Variants in CNTNAP2 observed in about 807,000 individuals in gnomAD.
CNTNAP2 encodes contactin associated protein 2.
A neutral mutation model predicts 155.2 loss-of-function variants in CNTNAP2; 98 were observed. The observed-to-expected ratio is 0.63, with a 90% CI of 0.54 to 0.75. CNTNAP2 has a LOEUF of 0.75. CNTNAP2 is among the 30% of genes least tolerant of loss of function. CNTNAP2 has a pLI of 0.00. For missense variants in CNTNAP2, 1,727 were observed against 1,688.1 expected (o/e 1.02, Z -0.40); for synonymous variants, 651 against 631.2 (o/e 1.03, Z -0.47).
chr7:146,317,377 T>C (rs1254500969), intron 1 of CNTNAP2, among the ~76,000 whole-genome samples: 2 of 152,234 alleles, frequency 1.3e-5, no homozygotes, highest in Non-Finnish European at 2.9e-5. Context: ...TTGACAATAA[T>C]GTCAAGTGGA....
intron 16 of CNTNAP2, among the ~76,000 whole-genome samples, chr7:148,121,560 C>G (rs528650687): frequency 1.3e-5 from 2 of 152,306 alleles, no homozygotes; most frequent in South Asian, 4.1e-4. Context: ...GCCTTCTGAT[C>G]TCTTTCTGAT....
At chr7:146,251,193 A>C (rs1026794048) in intron 1 of CNTNAP2, among the ~76,000 whole-genome samples, 20 of 152,240 alleles carry the variant, frequency 1.3e-4, no homozygotes, top group Admixed American at 5.2e-4. Flanking sequence ...AACTTTAAAA[A>C]ATATTGCAAT....
chr7:146,886,998 C>G (rs1342585721), intron 3 of CNTNAP2, among the ~76,000 whole-genome samples: 3 of 151,714 alleles, frequency 2.0e-5, no homozygotes, highest in Non-Finnish European at 2.9e-5. Flanking sequence ...ATGTAAAAAC[C>G]CTTAACTCCT....
chr7:146,256,530 C>T (rs909398168), intron 1 of CNTNAP2, among the ~76,000 whole-genome samples: 7 of 151,128 alleles, frequency 4.6e-5, no homozygotes, highest in Admixed American at 6.6e-5. Flanking sequence ...AAAAATATAA[C>T]GAATATTAAT....
At chr7:146,499,108 A>G (rs1797262870) in intron 1 of CNTNAP2, among the ~76,000 whole-genome samples, 1 of 152,212 alleles carries the variant, frequency 6.6e-6, no homozygotes, top group South Asian at 2.1e-4. Context: ...GTCTATTGAC[A>G]TGAATTATGT....
intron 10 of CNTNAP2, among the ~76,000 whole-genome samples, chr7:147,472,204 C>CTT (rs542047274): frequency 3.2e-4 from 26 of 81,072 alleles, no homozygotes; most frequent in South Asian, 9.9e-4. Context: ...TCTTTTTTTC[C>CTT]TTTTTTTTTT....
At chr7:147,303,138 C>CAAGGCTGGGTAA (rs1161959163) in intron 9 of CNTNAP2, among the ~76,000 whole-genome samples, 1 of 152,200 alleles carries the variant, frequency 6.6e-6, no homozygotes, top group Non-Finnish European at 1.5e-5. Context: ...AATCTTTTAC[C>CAAGGCTGGGTAA]ATCTTCACAC....
At chr7:147,312,509 G>T (rs2116798780) in intron 9 of CNTNAP2, among the ~76,000 whole-genome samples, 1 of 125,908 alleles carries the variant, frequency 7.9e-6, no homozygotes, top group African/African-American at 3.4e-5. Context: ...AGAACGTGTG[G>T]TGTTCAGTTT....
intron 16 of CNTNAP2, among the ~76,000 whole-genome samples, chr7:148,123,668 G>T (rs546210396): frequency 6.8e-6 from 1 of 146,380 alleles, no homozygotes; most frequent in African/African-American, 2.7e-5. Flanking sequence ...AGGAAGGAAG[G>T]AAGGAAGGAA....
intron 21 of CNTNAP2, among the ~76,000 whole-genome samples, chr7:148,371,408 A>G (rs1483269722): frequency 6.6e-6 from 1 of 152,094 alleles, no homozygotes; most frequent in African/African-American, 2.4e-5. Context: ...TAGGGAAATC[A>G]TTTCAGCCTC....
At chr7:146,848,959 G>A (rs1794816974) in intron 3 of CNTNAP2, among the ~76,000 whole-genome samples, 4 of 151,984 alleles carry the variant, frequency 2.6e-5, no homozygotes, top group Admixed American at 2.6e-4. Flanking sequence ...TTTTAGTAGA[G>A]ACGTAGAGAC....
At chr7:147,414,957 A>AAAG (rs1797167558) in intron 10 of CNTNAP2, among the ~76,000 whole-genome samples, 1 of 150,696 alleles carries the variant, frequency 6.6e-6, no homozygotes, top group African/African-American at 2.4e-5. Flanking sequence ...AAAAAAAAAA[A>AAAG]AAAAAAGAAA....
chr7:147,092,237 C>A (rs1349803900), intron 4 of CNTNAP2, among the ~76,000 whole-genome samples: 1 of 152,146 alleles, frequency 6.6e-6, no homozygotes, highest in African/African-American at 2.4e-5. Flanking sequence ...CCAATGACCC[C>A]CTCAAAAATG....
rs201683391 is a variant in CNTNAP2, at chr7:147,995,529, G to GT, written c.2383+17542dup. On this transcript the variant is annotated intron_variant, in intron 15 of 23. Transcript: ENST00000361727. ...TTGTCCTGCCTCTTCTAATTCTTTT[G>GT]TTGTTTTTTTTTTTTTGAGATGGAA... Among the ~76,000 whole-genome samples, 807 of 114,078 alleles carry GT rather than the reference G, an allele frequency of 7.1e-3. 18 individuals are homozygous for GT. Among genetic ancestry groups the GT allele is most frequent in the African/African-American group, 0.026 (681 of 26,674 alleles). The allele number at this position is 114,078 out of a possible 152,430, so 74.8% of individuals were successfully genotyped here.
chr7:146,507,902 G>C (rs926069504), intron 1 of CNTNAP2, among the ~76,000 whole-genome samples: 2 of 152,146 alleles, frequency 1.3e-5, no homozygotes, highest in African/African-American at 4.8e-5. Flanking sequence ...AAGACAAACT[G>C]TTCCTGGCTC....
intron 13 of CNTNAP2, among the ~76,000 whole-genome samples, chr7:147,655,976 A>T (rs1795519814): frequency 1.3e-5 from 2 of 152,250 alleles, no homozygotes; most frequent in South Asian, 4.1e-4. Flanking sequence ...ACTTCTAGGT[A>T]ACTTGCTGTA....
At chr7:146,924,418 T>C (rs1324694237) in intron 3 of CNTNAP2, among the ~76,000 whole-genome samples, 1 of 152,110 alleles carries the variant, frequency 6.6e-6, no homozygotes, top group Non-Finnish European at 1.5e-5. Flanking sequence ...CCTCCCTCTC[T>C]GATTCACAAA....
chr7:146,158,583 C>A (rs946478573), intron 1 of CNTNAP2, among the ~76,000 whole-genome samples: 4 of 152,102 alleles, frequency 2.6e-5, no homozygotes, highest in Non-Finnish European at 5.9e-5. Flanking sequence ...GGCATGAGAA[C>A]TATGTGACGC....
At chr7:146,483,092 C>T (rs1481378422) in intron 1 of CNTNAP2, among the ~76,000 whole-genome samples, 4 of 150,512 alleles carry the variant, frequency 2.7e-5, no homozygotes, top group South Asian at 4.2e-4. Context: ...CTGGCTAACA[C>T]GGTGAAACCC....
Sources: allele counts gnomAD v4.1 joint callset (sites outside exome capture counted in the v4.1 genomes callset), GRCh38; gene constraint gnomAD v4.1.1; transcripts MANE v1.5; gene names NCBI Gene and HGNC (gene_info 2026-07-23, HGNC 2026-07-21).